Variants in NTRK2 observed in about 807,000 individuals in gnomAD.
NTRK2 encodes neurotrophic receptor tyrosine kinase 2.
In NTRK2, 13 loss-of-function variants were observed where a neutral mutation model predicts 94.5. That is an observed-to-expected ratio of 0.14 (90% CI 0.09 to 0.22). NTRK2 has a LOEUF of 0.22. Among genes scored for constraint, NTRK2 ranks in the 10% least tolerant of loss-of-function variants. The pLI, the probability that NTRK2 is intolerant of heterozygous loss-of-function variation, is 1.00. For synonymous variants in NTRK2, 372 were observed against 407.4 expected (o/e 0.91, Z 1.05); for missense variants, 639 against 1,071.2 (o/e 0.60, Z 5.63).
intron 12 of NTRK2, among the ~76,000 whole-genome samples, chr9:84,857,618 C>T (rs996519010): frequency 3.9e-5 from 6 of 152,098 alleles, no homozygotes; most frequent in Admixed American, 6.5e-5. Flanking sequence ...AGGAAGTGTG[C>T]GGTATGATCA....
At chr9:84,729,973 C>T (rs1227050634) in intron 9 of NTRK2, among the ~76,000 whole-genome samples, 1 of 152,164 alleles carries the variant, frequency 6.6e-6, no homozygotes, top group Non-Finnish European at 1.5e-5. Flanking sequence ...CTAGTTTTTA[C>T]TTAGCTTGTG....
chr9:84,794,240 AAGG>A (rs2069035322), intron 12 of NTRK2, among the ~76,000 whole-genome samples: 1 of 152,194 alleles, frequency 6.6e-6, no homozygotes, highest in Non-Finnish European at 1.5e-5. Context: ...ACAAAATTAC[AAGG>A]AGATTAGGAA....
At chr9:84,900,649 CT>C (rs949782394) in intron 14 of NTRK2, among the ~76,000 whole-genome samples, 5 of 152,138 alleles carry the variant, frequency 3.3e-5, no homozygotes, top group Non-Finnish European at 7.3e-5. Flanking sequence ...AATATGTGCA[CT>C]TGTGAGTCTA....
chr9:84,824,074 G>A (rs77871344), intron 12 of NTRK2, among the ~76,000 whole-genome samples: 1 of 152,136 alleles, frequency 6.6e-6, no homozygotes, highest in Non-Finnish European at 1.5e-5. Flanking sequence ...TAGTTTCAGT[G>A]GTTTAAGTTG....
intron 12 of NTRK2, among the ~76,000 whole-genome samples, chr9:84,792,080 A>T (rs1457641068): frequency 6.6e-6 from 1 of 152,204 alleles, no homozygotes; most frequent in African/African-American, 2.4e-5. Context: ...GTGTTGCTGA[A>T]TTATCCTCCT....
chr9:84,882,912 C>A (rs1210359919), intron 14 of NTRK2, among the ~76,000 whole-genome samples: 1 of 152,120 alleles, frequency 6.6e-6, no homozygotes, highest in Non-Finnish European at 1.5e-5. Context: ...TACAGACAGG[C>A]ACTACCACAC....
In NTRK2 at chr9:84,683,911, T is replaced by A. The variant is rs545087090; in HGVS notation, c.212+12951T>A. Among the ~76,000 whole-genome samples the A allele has an allele frequency of 2.6e-5, 4 of 152,316 alleles. No individual in the cohort carries two copies. In the South Asian group the frequency reaches 6.2e-4, roughly 24 times the overall value. ...CTGGCATGATAGTATCTCATTGTGG[T>A]TTTGATTTGCATTTCTCTAATGCAA... On this transcript the variant is annotated intron_variant, in intron 2 of 18. Transcript: ENST00000277120.
intron 14 of NTRK2, chr9:84,874,508 T>C (rs2075995082): frequency 9.4e-7 from 1 of 1,065,676 alleles, no homozygotes; most frequent in Non-Finnish European, 1.1e-6. Context: ...TGCTCTGAGG[T>C]TGATTGCTGA....
intron 14 of NTRK2, among the ~76,000 whole-genome samples, chr9:84,909,277 G>A (rs11793582): frequency 0.063 from 9,633 of 152,192 alleles, 355 homozygotes; most frequent in Admixed American, 0.098. Flanking sequence ...TTGCTGAGTC[G>A]TATTCCATGG....
At chr9:84,696,927 G>A (rs1050517365) in intron 2 of NTRK2, among the ~76,000 whole-genome samples, 2 of 152,108 alleles carry the variant, frequency 1.3e-5, no homozygotes, top group Non-Finnish European at 2.9e-5. Context: ...AGCAAAAACT[G>A]CCCTCATAAT....
Position 85,025,832 on chromosome 9 carries a change from A to G in NTRK2, c.*4395A>G, listed in dbSNP as rs949686117. 4.3e-6 allele frequency: 1 copy of G among 231,260 alleles called. No individual in the cohort carries two copies. The highest frequency in any genetic ancestry group is 2.2e-5 in the African/African-American group (1 of 45,204). 14.3% of individuals were successfully genotyped at this position (231,260 alleles called of 1,614,324 possible). A position where few individuals can be genotyped will look rare whatever the true frequency, so the allele number is the denominator to read the frequency against. On this transcript the variant is annotated 3_prime_UTR_variant, in exon 19 of 19. Transcript: ENST00000277120. ...AGTTAGTAGTTACAGCTGATTTTTT[A>G]TGATGCATAATTGGAATGTGGAGCC...
At chr9:84,878,371 C>T (rs1281513618) in intron 14 of NTRK2, among the ~76,000 whole-genome samples, 1 of 152,024 alleles carries the variant, frequency 6.6e-6, no homozygotes, top group African/African-American at 2.4e-5. Flanking sequence ...CATGGTGGCT[C>T]GCGTCTGTAA....
intron 14 of NTRK2, among the ~76,000 whole-genome samples, chr9:84,902,018 A>G (rs2076944197): frequency 6.6e-6 from 1 of 151,864 alleles, no homozygotes; most frequent in South Asian, 2.1e-4. Flanking sequence ...ACATGGTGAA[A>G]CCCTGTCTCT....
intron 14 of NTRK2, 57 bp from the exon 15 acceptor site, chr9:84,934,105 G>A (rs908642367): frequency 6.2e-5 from 99 of 1,605,002 alleles, no homozygotes; most frequent in Non-Finnish European, 7.4e-5. Flanking sequence ...CTCTTCACCC[G>A]CTGCCTTCAC....
At chr9:84,823,525 A>G (rs1256378513) in intron 12 of NTRK2, among the ~76,000 whole-genome samples, 4 of 152,240 alleles carry the variant, frequency 2.6e-5, no homozygotes, top group African/African-American at 4.8e-5. Flanking sequence ...AGTACTTTCT[A>G]TGTGGTAGAC....
chr9:84,768,429 C>A (rs1435363311), intron 12 of NTRK2, among the ~76,000 whole-genome samples: 1 of 152,170 alleles, frequency 6.6e-6, no homozygotes, highest in Non-Finnish European at 1.5e-5. Flanking sequence ...CCAAGCCCCT[C>A]CCTCCGCAGG....
chr9:84,832,243 A>T (rs11140778), intron 12 of NTRK2, among the ~76,000 whole-genome samples: 24,918 of 152,208 alleles, frequency 0.16, 2,527 homozygotes, highest in Middle Eastern at 0.22. Context: ...TTCAATACAC[A>T]AGCAATTGGC....
In NTRK2 at chr9:84,810,291, T is replaced by G. The variant is rs79953542; in HGVS notation, c.1397-50749T>G. On this transcript the variant is annotated intron_variant, in intron 12 of 18. Transcript: ENST00000277120. ...TATGCAGAAATCCTTCGCATTTCTT[T>G]TCCTTGTTTCATGTACCATGTAAAA... Among the ~76,000 whole-genome samples the G allele has an allele frequency of 2.4e-3, 360 of 152,326 alleles. 11 individuals carry two copies. The East Asian group carries it at 0.059, about 25-fold the overall frequency.
At chr9:84,934,406 G>T (rs2078144085) in intron 15 of NTRK2, 114 bp downstream of exon 15, 5 of 1,101,256 alleles carry the variant, frequency 4.5e-6, no homozygotes, top group Non-Finnish European at 6.7e-6. Context: ...TTCCTGCTAT[G>T]ATGGATGTAT....
Sources: gnomAD v4.1 joint callset for allele counts (sites outside exome capture counted in the v4.1 genomes callset) on GRCh38, gnomAD v4.1.1 for gene constraint, MANE v1.5 for transcripts, NCBI Gene and HGNC (gene_info 2026-07-23, HGNC 2026-07-21) for gene names.